Variants in CSMD1 observed in about 807,000 individuals in gnomAD.
CSMD1 encodes CUB and Sushi multiple domains 1, also known as CUB and sushi domain-containing protein 1.
A neutral mutation model predicts 417.5 loss-of-function variants in CSMD1; 213 were observed. The ratio of observed to expected loss-of-function variants is 0.51; its 90% confidence interval spans 0.46 to 0.57. The LOEUF (loss-of-function observed/expected upper bound fraction) is 0.57, where lower values mean the gene tolerates loss of function less well. CSMD1 is among the 20% of genes least tolerant of loss of function. The probability of loss-of-function intolerance (pLI) is 0.00; values close to 1 mark genes in which losing one functional copy is unlikely to be tolerated. For missense variants in CSMD1, 6,923 were observed against 4,529.7 expected, an observed-to-expected ratio of 1.53 and a Z score of -15.17; for synonymous variants, 2,862 against 1,736.8, an observed-to-expected ratio of 1.65 and a Z score of -16.11.
chr8:3,458,053 A>C (rs1217149494), intron 12 of CSMD1, among the ~76,000 whole-genome samples: 1 of 152,208 alleles, frequency 6.6e-6, no homozygotes, highest in Admixed American at 6.5e-5. Flanking sequence ...TGAGACTAAA[A>C]TACAGATTGG....
intron 26 of CSMD1, among the ~76,000 whole-genome samples, chr8:3,260,516 T>G (rs1800984292): frequency 6.6e-6 from 1 of 151,982 alleles, no homozygotes; most frequent in Non-Finnish European, 1.5e-5. Context: ...AGGATAAACA[T>G]TCCTCATTTC....
chr8:4,386,944 A>G (rs1803492747), intron 3 of CSMD1, among the ~76,000 whole-genome samples: 1 of 152,232 alleles, frequency 6.6e-6, no homozygotes, highest in Non-Finnish European at 1.5e-5. Context: ...TGATAGAAAA[A>G]TCATGAAGTG....
At chr8:4,242,450 G>C (rs911534885) in intron 3 of CSMD1, among the ~76,000 whole-genome samples, 1 of 152,112 alleles carries the variant, frequency 6.6e-6, no homozygotes, top group African/African-American at 2.4e-5. Flanking sequence ...AGCTATAATA[G>C]GACTATTGTT....
chr8:4,578,135 CA>C (rs1360281460), intron 2 of CSMD1, among the ~76,000 whole-genome samples: 1 of 152,090 alleles, frequency 6.6e-6, no homozygotes, highest in Non-Finnish European at 1.5e-5. Flanking sequence ...AAGTCCCCCA[CA>C]TCTTACCACA....
chr8:4,007,882 G>T (rs1045461132), intron 4 of CSMD1, among the ~76,000 whole-genome samples: 1 of 151,884 alleles, frequency 6.6e-6, no homozygotes. Context: ...GAGATCTGTG[G>T]CTTTCTTAAG....
At chr8:4,060,153 A>G (rs576190078) in intron 3 of CSMD1, among the ~76,000 whole-genome samples, 1 of 152,330 alleles carries the variant, frequency 6.6e-6, no homozygotes, top group East Asian at 1.9e-4. Context: ...ACAAATCAAT[A>G]AATGTAATCC....
intron 7 of CSMD1, among the ~76,000 whole-genome samples, chr8:3,635,483 C>CT (rs562990317): frequency 0.047 from 5,914 of 125,866 alleles, 209 homozygotes; most frequent in African/African-American, 0.069. Context: ...GACTCCATCT[C>CT]TTTTTTTTTT....
chr8:4,261,111 C>T (rs1030673486), intron 3 of CSMD1, among the ~76,000 whole-genome samples: 1 of 152,176 alleles, frequency 6.6e-6, no homozygotes, highest in Non-Finnish European at 1.5e-5. Flanking sequence ...GTCATTTACA[C>T]ATGTCTGTGT....
intron 7 of CSMD1, among the ~76,000 whole-genome samples, chr8:3,661,523 G>A (rs1484317565): frequency 2.0e-5 from 3 of 151,622 alleles, no homozygotes; most frequent in Non-Finnish European, 1.5e-5. Context: ...TTGAGACTGA[G>A]TCCCACTTTA....
chr8:3,798,837 TG>T (rs1216772502), intron 5 of CSMD1, among the ~76,000 whole-genome samples: 1 of 152,076 alleles, frequency 6.6e-6, no homozygotes, highest in East Asian at 1.9e-4. Flanking sequence ...AGTAAAATGT[TG>T]TATTTTCCTA....
intron 3 of CSMD1, among the ~76,000 whole-genome samples, chr8:4,065,688 G>C (rs1314755168): frequency 1.3e-5 from 2 of 152,200 alleles, no homozygotes; most frequent in Non-Finnish European, 2.9e-5. Context: ...AAGATCAAAA[G>C]TAGGAACACC....
intron 11 of CSMD1, among the ~76,000 whole-genome samples, chr8:3,475,677 A>T (rs1817365588): frequency 6.6e-6 from 1 of 152,250 alleles, no homozygotes; most frequent in Admixed American, 6.5e-5. Context: ...GCTGTCTCAC[A>T]TTGATATGTC....
At chr8:4,936,108 T>C (rs868817752) in intron 1 of CSMD1, among the ~76,000 whole-genome samples, 4 of 152,182 alleles carry the variant, frequency 2.6e-5, no homozygotes, top group Non-Finnish European at 5.9e-5. Context: ...GTAATTACAG[T>C]TATAAAAATG....
chr8:3,802,734 G>T (rs1222898089), intron 5 of CSMD1, among the ~76,000 whole-genome samples: 1 of 152,148 alleles, frequency 6.6e-6, no homozygotes, highest in Non-Finnish European at 1.5e-5. Context: ...TTAATTAAAA[G>T]ACATCCCAAA....
chr8:4,430,837 C>T (rs1402541868), intron 2 of CSMD1, among the ~76,000 whole-genome samples: 1 of 152,136 alleles, frequency 6.6e-6, no homozygotes, highest in Non-Finnish European at 1.5e-5. Context: ...GCAAATACTT[C>T]ACTCCAGTGT....
chr8:3,988,187 G>A (rs1432769379), intron 5 of CSMD1, among the ~76,000 whole-genome samples: 2 of 152,116 alleles, frequency 1.3e-5, no homozygotes, highest in African/African-American at 4.8e-5. Context: ...TCTCTAAGCA[G>A]TAAGACCCTG....
intron 5 of CSMD1, among the ~76,000 whole-genome samples, chr8:3,849,521 G>C (rs1221750747): frequency 6.6e-6 from 1 of 152,200 alleles, no homozygotes; most frequent in South Asian, 2.1e-4. Context: ...TAGCTCGACG[G>C]TTAGAATGAC....
At chr8:2,982,271 G>T (rs1805489882) in intron 54 of CSMD1, among the ~76,000 whole-genome samples, 1 of 152,178 alleles carries the variant, frequency 6.6e-6, no homozygotes, top group South Asian at 2.1e-4. Context: ...CAGGAGAATT[G>T]CTTGAACCCA....
chr8:3,471,020 T>C (rs560978066), intron 11 of CSMD1, among the ~76,000 whole-genome samples: 8 of 152,268 alleles, frequency 5.3e-5, no homozygotes, highest in African/African-American at 1.9e-4. Flanking sequence ...AAATCTTCAT[T>C]TACCTGAGAT....
Sources: gnomAD v4.1 joint callset for allele counts (sites outside exome capture counted in the v4.1 genomes callset) on GRCh38, gnomAD v4.1.1 for gene constraint, MANE v1.5 for transcripts, NCBI Gene and HGNC (gene_info 2026-07-23, HGNC 2026-07-21) for gene names.